FGGY: variants seen among roughly 807,000 people sequenced by gnomAD.
The protein encoded by FGGY is FGGY carbohydrate kinase domain containing, also known as FGGY carbohydrate kinase domain-containing protein.
In FGGY, 72 loss-of-function variants were observed where a neutral mutation model predicts 71.3. That is an observed-to-expected ratio of 1.01 (90% CI 0.84 to 1.23). The LOEUF (loss-of-function observed/expected upper bound fraction) is 1.23. FGGY is among the 50% of genes most tolerant of loss of function. FGGY has a pLI of 0.00. For synonymous variants in FGGY, 251 were observed against 250.3 expected, an observed-to-expected ratio of 1.00 and a Z score of -0.02; for missense variants, 668 against 682.3, an observed-to-expected ratio of 0.98 and a Z score of 0.23.
At chr1:59,360,525 A>G (rs2055292462) in intron 4 of FGGY, among the ~76,000 whole-genome samples, 3 of 152,128 alleles carry the variant, frequency 2.0e-5, no homozygotes, top group Admixed American at 2.0e-4. Flanking sequence ...CTTTTTACCT[A>G]TTATCTGCAT....
chr1:59,592,795 G>C (rs1401234840), intron 8 of FGGY, among the ~76,000 whole-genome samples: 1 of 136,082 alleles, frequency 7.3e-6, no homozygotes, highest in Admixed American at 7.8e-5. Context: ...TGGGGTGGGG[G>C]GACGGGGGAG....
chr1:59,686,807 G>T (rs1438428872), intron 14 of FGGY, among the ~76,000 whole-genome samples: 6 of 151,888 alleles, frequency 4.0e-5, no homozygotes, highest in Admixed American at 6.6e-5. Flanking sequence ...ACCTCTCTAA[G>T]CCTGCTTACT....
intron 4 of FGGY, among the ~76,000 whole-genome samples, chr1:59,357,307 T>TCTGGCCA (rs200097331): frequency 0.013 from 2,024 of 152,352 alleles, 17 homozygotes; most frequent in Middle Eastern, 0.037. Context: ...GTTGGCCAGA[T>TCTGGCCA]ACCTTGTAAC....
At chr1:59,327,291 A>G (rs1029365504) in intron 2 of FGGY, among the ~76,000 whole-genome samples, 5 of 152,202 alleles carry the variant, frequency 3.3e-5, no homozygotes, top group Non-Finnish European at 7.3e-5. Flanking sequence ...TTTATGTACT[A>G]TTCTAAATTG....
intron 8 of FGGY, among the ~76,000 whole-genome samples, chr1:59,586,112 G>A (rs184652813): frequency 0.015 from 2,229 of 152,266 alleles, 25 homozygotes; most frequent in Non-Finnish European, 0.023. Flanking sequence ...CGATTCCTCA[G>A]GGATCTAGAA....
intron 7 of FGGY, among the ~76,000 whole-genome samples, chr1:59,535,042 G>T (rs1337198570): frequency 6.6e-6 from 1 of 152,038 alleles, no homozygotes; most frequent in African/African-American, 2.4e-5. Flanking sequence ...CTGGCAAATT[G>T]GATAAAGAGT....
chr1:59,331,464 G>C (rs1360678600), intron 2 of FGGY, among the ~76,000 whole-genome samples: 1 of 151,984 alleles, frequency 6.6e-6, no homozygotes. Flanking sequence ...GGACCTCTGC[G>C]CTCGCTGTTC....
intron 11 of FGGY, among the ~76,000 whole-genome samples, chr1:59,651,918 T>C (rs1458183864): frequency 1.3e-5 from 2 of 152,146 alleles, no homozygotes; most frequent in Admixed American, 1.3e-4. Context: ...CTTTAGTGGT[T>C]CCTTCAGGAG....
chr1:59,333,512 A>C (rs2153181381), intron 2 of FGGY, among the ~76,000 whole-genome samples: 1 of 152,344 alleles, frequency 6.6e-6, no homozygotes, highest in African/African-American at 2.4e-5. Flanking sequence ...CTGACTTCAC[A>C]AAGTTATATA....
At chr1:59,605,283 A>G (rs1289182637) in intron 8 of FGGY, among the ~76,000 whole-genome samples, 1 of 152,182 alleles carries the variant, frequency 6.6e-6, no homozygotes, top group Non-Finnish European at 1.5e-5. Context: ...TAAGGTAGCC[A>G]GTTGCCCCAG....
intron 14 of FGGY, among the ~76,000 whole-genome samples, chr1:59,721,961 C>A (rs758623852): frequency 2.1e-4 from 32 of 152,276 alleles, no homozygotes; most frequent in Middle Eastern, 6.8e-3. Context: ...CAAAGCGAGA[C>A]CTTTGTTAAT....
chr1:59,537,992 C>T (rs1340466842), intron 7 of FGGY, among the ~76,000 whole-genome samples: 1 of 152,068 alleles, frequency 6.6e-6, no homozygotes, highest in African/African-American at 2.4e-5. Context: ...CCAAAATTGA[C>T]AAATGGGATC....
At chr1:59,499,672 T>C (rs2094162594) in intron 6 of FGGY, among the ~76,000 whole-genome samples, 1 of 152,192 alleles carries the variant, frequency 6.6e-6, no homozygotes, top group Non-Finnish European at 1.5e-5. Context: ...CATTTCTTCA[T>C]ATGTTTGAGA....
At chr1:59,373,892 C>G (rs1290574650) in intron 4 of FGGY, among the ~76,000 whole-genome samples, 1 of 152,184 alleles carries the variant, frequency 6.6e-6, no homozygotes, top group African/African-American at 2.4e-5. Context: ...ACACCCTATA[C>G]AAAAATTAAT....
At chr1:59,335,566 T>C (rs2049323836) in intron 2 of FGGY, among the ~76,000 whole-genome samples, 1 of 152,234 alleles carries the variant, frequency 6.6e-6, no homozygotes, top group African/African-American at 2.4e-5. Context: ...TTATTTGGTT[T>C]GTTAATATTT....
At chr1:59,463,003 G>A (rs2092359579) in intron 6 of FGGY, among the ~76,000 whole-genome samples, 1 of 152,066 alleles carries the variant, frequency 6.6e-6, no homozygotes, top group Non-Finnish European at 1.5e-5. Flanking sequence ...AAAGACACAT[G>A]CACACGTATG....
At chr1:59,481,780 A>G (rs1489088743) in intron 6 of FGGY, among the ~76,000 whole-genome samples, 1 of 152,180 alleles carries the variant, frequency 6.6e-6, no homozygotes, top group African/African-American at 2.4e-5. Context: ...ATTAAACTGA[A>G]CAGATTTCTG....
intron 7 of FGGY, among the ~76,000 whole-genome samples, chr1:59,535,987 C>A (rs1235644737): frequency 6.7e-6 from 1 of 149,990 alleles, no homozygotes; most frequent in South Asian, 2.2e-4. Context: ...AAAATCACAG[C>A]AGAACTGAAG....
chr1:59,590,669 C>G (rs908584730), intron 8 of FGGY, among the ~76,000 whole-genome samples: 1 of 152,150 alleles, frequency 6.6e-6, no homozygotes, highest in African/African-American at 2.4e-5. Context: ...AGCATATAAA[C>G]AGAACCAAAG....
Sources: gnomAD v4.1 joint callset for allele counts (sites outside exome capture counted in the v4.1 genomes callset) on GRCh38, gnomAD v4.1.1 for gene constraint, MANE v1.5 for transcripts, NCBI Gene and HGNC (gene_info 2026-07-23, HGNC 2026-07-21) for gene names.